The following RORA variants were observed in gnomAD, a reference collection of about 807,000 sequenced individuals.
RORA encodes RAR related orphan receptor A.
In RORA, 7 loss-of-function variants were observed where a neutral mutation model predicts 69.5. The observed-to-expected ratio is 0.10, with a 90% CI of 0.06 to 0.19. The LOEUF is 0.19. Among genes scored for constraint, RORA ranks in the 10% least tolerant of loss-of-function variants. RORA has a pLI of 1.00. For synonymous variants in RORA, 261 were observed against 240.8 expected, an observed-to-expected ratio of 1.08 and a Z score of -0.78; for missense variants, 457 against 663.0, an observed-to-expected ratio of 0.69 and a Z score of 3.41.
chr15:60,788,778 G>C (rs544631802), intron 1 of RORA, among the ~76,000 whole-genome samples: 3 of 152,290 alleles, frequency 2.0e-5, no homozygotes, highest in South Asian at 4.1e-4. Context: ...CAAACCTGCT[G>C]TCTGAGGGTC....
At chr15:61,186,778 C>A (rs2079747279) in intron 1 of RORA, among the ~76,000 whole-genome samples, 1 of 152,072 alleles carries the variant, frequency 6.6e-6, no homozygotes, top group Non-Finnish European at 1.5e-5. Flanking sequence ...TGCTGCTCCT[C>A]AAACATGAAA....
intron 1 of RORA, among the ~76,000 whole-genome samples, chr15:60,886,899 C>T (rs1567225915): frequency 6.6e-6 from 1 of 152,162 alleles, no homozygotes; most frequent in Admixed American, 6.5e-5. Context: ...CTTTGAAATC[C>T]CTACCCTTTG....
intron 1 of RORA, among the ~76,000 whole-genome samples, chr15:61,091,621 C>A (rs1003170482): frequency 1.3e-5 from 2 of 152,156 alleles, no homozygotes; most frequent in Non-Finnish European, 2.9e-5. Context: ...AGTCAGCCAG[C>A]CTTAATAGAT....
chr15:60,688,903 A>C (rs2070784148), intron 1 of RORA, among the ~76,000 whole-genome samples: 1 of 152,186 alleles, frequency 6.6e-6, no homozygotes, highest in African/African-American at 2.4e-5. Context: ...CATACCAGCA[A>C]CCAAAGGCCT....
rs546562825 is a variant in RORA at position 61,104,271 on chromosome 15, C to A, written c.166+124782G>T. On this transcript the variant is annotated intron_variant, in intron 1 of 10. Coordinates refer to ENST00000335670, the MANE Select transcript of RORA (RefSeq NM_134261.3). ...TGAGGGAACGGAGAAAATTAACAAA[C>A]GCACCTAGGTTATTTCTATTAAAAT... Among the ~76,000 whole-genome samples, 23 of 152,326 alleles carry A rather than the reference C, an allele frequency of 1.5e-4. No individual in the cohort carries two copies. In the South Asian group the frequency reaches 4.8e-3, roughly 32 times the overall value.
intron 1 of RORA, among the ~76,000 whole-genome samples, chr15:61,000,281 C>A (rs1894705747): frequency 6.6e-6 from 1 of 152,188 alleles, no homozygotes; most frequent in African/African-American, 2.4e-5. Flanking sequence ...CTTTAATCAG[C>A]TTAACGTGTG....
At chr15:60,950,241 G>A (rs1412890732) in intron 1 of RORA, among the ~76,000 whole-genome samples, 2 of 149,700 alleles carry the variant, frequency 1.3e-5, no homozygotes, top group South Asian at 2.2e-4. Context: ...CAAATGCTGA[G>A]AGATTTTGTC....
chr15:60,737,993 G>A lies in RORA; in HGVS notation c.167-59307C>T, dbSNP rs539160757. Among the ~76,000 whole-genome samples, 3 of 152,320 alleles carry A rather than the reference G, an allele frequency of 2.0e-5. No homozygotes were observed. In the South Asian group the frequency reaches 6.2e-4, roughly 32 times the overall value. On this transcript the variant is annotated intron_variant, in intron 1 of 10. Transcript: ENST00000335670. Reference sequence around the variant, plus strand: ...AAGTGCGTATTATTTCTCCTGGATTGGGTCATAAATAAGTAATATAGCTTT... The same window carrying A: ...AAGTGCGTATTATTTCTCCTGGATTAGGTCATAAATAAGTAATATAGCTTT...
chr15:60,574,573 C>T lies in RORA; in HGVS notation c.197-42722G>A, dbSNP rs568422699. 6.3e-4 allele frequency among the ~76,000 whole-genome samples: 96 copies of T among 152,268 alleles called. 1 individual carries two copies. Among genetic ancestry groups the T allele is most frequent in the Admixed American group, 1.1e-3 (17 of 15,296 alleles). ...TTCAAACTTGAATACGTGATGTGTA[C>T]CATTTACCACGTGTACAAGAGGATG... On this transcript the variant is annotated intron_variant, in intron 2 of 10. Transcript: ENST00000335670.
intron 1 of RORA, chr15:60,686,605 T>G (rs2070753197): frequency 6.6e-6 from 1 of 152,240 alleles, no homozygotes; most frequent in Non-Finnish European, 1.5e-5. Flanking sequence ...TTTTATCTTC[T>G]AAGTGAATAA....
chr15:60,991,536 TA>T (rs900308597), intron 1 of RORA, among the ~76,000 whole-genome samples: 7 of 141,422 alleles, frequency 4.9e-5, no homozygotes, highest in Non-Finnish European at 7.6e-5. Flanking sequence ...GAGTTTTTGT[TA>T]AAAAAATGGC....
At chr15:61,140,760 C>T (rs1024089984) in intron 1 of RORA, among the ~76,000 whole-genome samples, 10 of 152,174 alleles carry the variant, frequency 6.6e-5, no homozygotes, top group Middle Eastern at 3.4e-3. Flanking sequence ...TAGGGTTTAA[C>T]GCTGGTACTC....
chr15:61,201,881 A>T (rs2079898014), intron 1 of RORA, among the ~76,000 whole-genome samples: 3 of 152,238 alleles, frequency 2.0e-5, no homozygotes, highest in Non-Finnish European at 1.5e-5. Flanking sequence ...GAAAACACAA[A>T]GAACAAATTA....
Position 60,855,134 on chromosome 15 carries a change from A to T in RORA, c.167-176448T>A, listed in dbSNP as rs530479097. On this transcript the variant is annotated intron_variant, in intron 1 of 10. Transcript: ENST00000335670. ...CACTGTTTGCTTTATTAGCCCGCATATAACTTCTTGGGAGACACAGCCAAT... is the reference window on the plus strand; with the variant it reads ...CACTGTTTGCTTTATTAGCCCGCATTTAACTTCTTGGGAGACACAGCCAAT... Among the ~76,000 whole-genome samples, 6 of 152,228 alleles carry T rather than the reference A, an allele frequency of 3.9e-5. No individual in the cohort carries two copies. The South Asian group carries it at 1.0e-3, about 26-fold the overall frequency.
chr15:61,218,175 TTGTGTGTG>T (rs72135304), intron 1 of RORA, among the ~76,000 whole-genome samples: 5,042 of 148,388 alleles, frequency 0.034, 227 homozygotes, highest in East Asian at 0.21. Context: ...CATGAAATGT[TTGTGTGTG>T]TGTGTGTGTG....
At chr15:61,071,754 A>C (rs1267569773) in intron 1 of RORA, among the ~76,000 whole-genome samples, 2 of 151,590 alleles carry the variant, frequency 1.3e-5, no homozygotes, top group Non-Finnish European at 2.9e-5. Flanking sequence ...TTTGGATTTC[A>C]GAACTGAGAT....
At chr15:60,927,656 C>T (rs1566912342) in intron 1 of RORA, among the ~76,000 whole-genome samples, 6 of 152,072 alleles carry the variant, frequency 3.9e-5, no homozygotes, top group Admixed American at 3.9e-4. Context: ...CATCTGTAAT[C>T]CCAGCTACTG....
chr15:61,160,593 G>A (rs1295582004), intron 1 of RORA, among the ~76,000 whole-genome samples: 1 of 152,178 alleles, frequency 6.6e-6, no homozygotes, highest in Non-Finnish European at 1.5e-5. Flanking sequence ...AGAACCTGAT[G>A]CTTGCCCATA....
intron 1 of RORA, among the ~76,000 whole-genome samples, chr15:61,100,933 A>T (rs988570924): frequency 4.6e-5 from 7 of 152,242 alleles, no homozygotes; most frequent in African/African-American, 1.7e-4. Flanking sequence ...CACCCTGTAT[A>T]TAACTCTGTT....
Sources: allele counts gnomAD v4.1 joint callset (sites outside exome capture counted in the v4.1 genomes callset), GRCh38; gene constraint gnomAD v4.1.1; transcripts MANE v1.5; gene names NCBI Gene and HGNC (gene_info 2026-07-23, HGNC 2026-07-21).